MAPK9: variants seen among roughly 807,000 people sequenced by gnomAD.
MAPK9 encodes the protein Jun kinase.
A neutral mutation model predicts 57.1 loss-of-function variants in MAPK9; 30 were observed. The ratio of observed to expected loss-of-function variants is 0.53; its 90% CI spans 0.39 to 0.71. The LOEUF (loss-of-function observed/expected upper bound fraction) is 0.71. Ranked by LOEUF, MAPK9 falls within the 30% of genes least tolerant of loss-of-function variation. MAPK9 has a pLI of 0.00. For synonymous variants in MAPK9, 155 were observed against 177.0 expected, an observed-to-expected ratio of 0.88 and a Z score of 0.99; for missense variants, 362 against 521.0, an observed-to-expected ratio of 0.69 and a Z score of 2.97.
At chr5:180,249,823 A>C (rs1758495183) in intron 5 of MAPK9, among the ~76,000 whole-genome samples, 1 of 152,236 alleles carries the variant, frequency 6.6e-6, no homozygotes, top group Non-Finnish European at 1.5e-5. Context: ...GAGATATTTT[A>C]CATTCTCTTT....
intron 2 of MAPK9, among the ~76,000 whole-genome samples, chr5:180,276,182 TTTTA>T (rs1291018111): frequency 2.6e-5 from 4 of 152,212 alleles, no homozygotes; most frequent in Non-Finnish European, 4.4e-5. Context: ...ATTGTTATGT[TTTTA>T]TTTATTTATA....
At chr5:180,239,110 G>A (rs1757441464) in intron 10 of MAPK9, among the ~76,000 whole-genome samples, 2 of 152,292 alleles carry the variant, frequency 1.3e-5, no homozygotes, top group Non-Finnish European at 2.9e-5. Context: ...TGTGGGCTAG[G>A]AGCCCCCCAC....
rs1245257182 is a variant in MAPK9 at position 180,241,066 on chromosome 5, T to C, written c.961A>G (p.Ile321Val). Reference protein sequence around the residue: ...SVDEALRHPYITVWYDPAEAE... With the variant: ...SVDEALRHPYVTVWYDPAEAE... ...TCGGCGGGGTCATACCAAACAGTGA[T>C]GTATGGGTGACGCAGAGCTTCGTCT... The change falls in exon 9 of 12, where the codon ATC (isoleucine) becomes GTC (valine). Residue 321 changes from isoleucine (I) to valine (V), a missense_variant. By Grantham distance (29) the Ile-to-Val change is conservative. Transcript: ENST00000452135. The C allele has an allele frequency of 1.2e-6, 2 of 1,614,012 alleles. No individual in the cohort carries two copies. Among genetic ancestry groups the C allele is most frequent in the Non-Finnish European group, 1.7e-6 (2 of 1,179,956 alleles).
intron 1 of MAPK9, among the ~76,000 whole-genome samples, chr5:180,289,776 C>A (rs1158655302): frequency 6.6e-6 from 1 of 152,150 alleles, no homozygotes; most frequent in Non-Finnish European, 1.5e-5. Flanking sequence ...CTGAATGAAT[C>A]TGTATTTGGC....
intron 1 of MAPK9, among the ~76,000 whole-genome samples, chr5:180,281,349 C>A (rs970382245): frequency 2.0e-5 from 3 of 152,214 alleles, no homozygotes; most frequent in African/African-American, 7.2e-5. Flanking sequence ...GGCCAGCAGG[C>A]CCAGAAAGCA....
intron 2 of MAPK9, 83 bp from the exon 3 acceptor site, chr5:180,269,492 A>G: frequency 2.3e-6 from 3 of 1,286,166 alleles, no homozygotes; most frequent in Non-Finnish European, 3.3e-6. Context: ...TGAATATATC[A>G]TCTTTTTAAT....
Position 180,247,359 on chromosome 5 carries a change from G to A in MAPK9, c.688+80C>T, listed in dbSNP as rs748730023. On this transcript the variant is annotated intron_variant, in intron 7 of 11. Coordinates refer to ENST00000452135, the MANE Select transcript of MAPK9 (RefSeq NM_002752.5). This position sits in a 1 kb window ranked among gnomAD's most constrained non-coding sequence, Gnocchi z 4.5. The stretch of plus-strand genomic sequence containing the variant: ...GTGGATTTTACGACTTTGTCCTCGT[G>A]AGCGCTCGTGTAAGCAGGTGGTCAT... 1.9e-6 allele frequency: 3 copies of A among 1,541,534 alleles called. No homozygotes were observed. Among genetic ancestry groups the A allele is most frequent in the Non-Finnish European group, 2.7e-6 (3 of 1,114,462 alleles).
intron 7 of MAPK9, 194 bp from the exon 8 acceptor site, chr5:180,242,949 C>G: frequency 2.1e-6 from 1 of 467,404 alleles, no homozygotes; most frequent in South Asian, 5.3e-5. Flanking sequence ...CACTCTGCAT[C>G]TTCATAAACT....
At chr5:180,260,749 G>A (rs572362815) in intron 5 of MAPK9, among the ~76,000 whole-genome samples, 2 of 152,104 alleles carry the variant, frequency 1.3e-5, no homozygotes, top group Non-Finnish European at 2.9e-5. Flanking sequence ...CTTTTTAATT[G>A]TTCTGTAATA....
In MAPK9 at chr5:180,247,367, G is replaced by T. The variant is rs771066270; in HGVS notation, c.688+72C>A. 4 of 1,571,486 alleles carry T rather than the reference G, an allele frequency of 2.5e-6. No homozygotes were observed. In the East Asian group the frequency reaches 6.7e-5, roughly 26 times the overall value. ...TACGACTTTGTCCTCGTGAGCGCTC[G>T]TGTAAGCAGGTGGTCATGCTGCCTG... On this transcript the variant is annotated intron_variant, in intron 7 of 11. Coordinates refer to ENST00000452135, the MANE Select transcript of MAPK9 (RefSeq NM_002752.5). This position sits in a 1 kb window ranked among gnomAD's most constrained non-coding sequence, Gnocchi z 4.5.
chr5:180,249,646 C>T (rs149160525), intron 5 of MAPK9, among the ~76,000 whole-genome samples: 4 of 152,334 alleles, frequency 2.6e-5, no homozygotes, highest in African/African-American at 7.2e-5. Flanking sequence ...GTCCCACAGA[C>T]AATGTCATAT....
intron 7 of MAPK9, chr5:180,246,091 T>C (rs993537881): frequency 6.6e-6 from 1 of 152,234 alleles, no homozygotes; most frequent in East Asian, 1.9e-4. Flanking sequence ...TTTTCATTTT[T>C]GTACTTTTTG....
At chr5:180,280,177 G>GA (rs1231864714) in intron 2 of MAPK9, 4,662 of 385,996 alleles carry the variant, frequency 0.012, no homozygotes, top group East Asian at 0.016. Flanking sequence ...CAGGAGAAAT[G>GA]AAAAAAAAAA....
At chr5:180,265,454 A>G (rs1012900396) in intron 3 of MAPK9, among the ~76,000 whole-genome samples, 18 of 152,132 alleles carry the variant, frequency 1.2e-4, no homozygotes, top group African/African-American at 4.3e-4. Context: ...TGTGACAGTG[A>G]GTGAGTTCTC....
chr5:180,240,966 A>G, intron 9 of MAPK9, 65 bp downstream of exon 9: 2 of 1,532,078 alleles, frequency 1.3e-6, no homozygotes, highest in Non-Finnish European at 1.8e-6. Context: ...CTGGACGGAC[A>G]GACAAGATCC....
At chr5:180,236,833 A>T (rs988890044) in intron 11 of MAPK9, 1 of 203,554 alleles carries the variant, frequency 4.9e-6, no homozygotes, top group Non-Finnish European at 9.9e-6. Flanking sequence ...TTTCAAGCAG[A>T]CATCAAAAGG....
At chr5:180,271,890 T>C (rs34514192) in intron 2 of MAPK9, among the ~76,000 whole-genome samples, 21,903 of 152,200 alleles carry the variant, frequency 0.14, 1,744 homozygotes, top group East Asian at 0.2. Flanking sequence ...CCCACACATT[T>C]CTAATAAATA....
At chr5:180,282,154 T>C (rs3812067) in intron 1 of MAPK9, among the ~76,000 whole-genome samples, 101,556 of 152,068 alleles carry the variant, frequency 0.67, 34,603 homozygotes, top group African/African-American at 0.81. Flanking sequence ...TTTGGGGCAC[T>C]GTGAGCATTC....
At chr5:180,269,128 C>CA (rs1761005802) in intron 3 of MAPK9, 152 bp downstream of exon 3, 2 of 836,718 alleles carry the variant, frequency 2.4e-6, no homozygotes, top group Non-Finnish European at 3.6e-6. Flanking sequence ...GACAAAAAAA[C>CA]AAAAAAACAA....
Sources: allele counts gnomAD v4.1 joint callset (sites outside exome capture counted in the v4.1 genomes callset), GRCh38; gene constraint gnomAD v4.1.1; non-coding constraint Gnocchi (gnomAD v3.1); transcripts MANE v1.5; gene names NCBI Gene and HGNC (gene_info 2026-07-23, HGNC 2026-07-21).